ZNF618: variants seen among roughly 807,000 people sequenced by gnomAD.
ZNF618 encodes zinc finger protein 618.
A neutral mutation model predicts 103.0 loss-of-function variants in ZNF618; 34 were observed. That is an observed-to-expected ratio of 0.33 (90% CI 0.25 to 0.44). The LOEUF (loss-of-function observed/expected upper bound fraction) is 0.44, where lower values mean the gene tolerates loss of function less well. Among genes scored for constraint, ZNF618 ranks in the 20% least tolerant of loss-of-function variants. The pLI, the probability that ZNF618 is intolerant of heterozygous loss-of-function variation, is 1.00. For synonymous variants in ZNF618, 551 were observed against 542.2 expected, an observed-to-expected ratio of 1.02 and a Z score of -0.23; for missense variants, 1,059 against 1,295.4, an observed-to-expected ratio of 0.82 and a Z score of 2.80.
At chr9:114,024,231 G>A (rs1291288986) in intron 10 of ZNF618, among the ~76,000 whole-genome samples, 1 of 152,112 alleles carries the variant, frequency 6.6e-6, no homozygotes, top group East Asian at 1.9e-4. Context: ...AATCCATTAA[G>A]TGAACTTTTT....
chr9:113,928,134 A>G (rs1833261505), intron 1 of ZNF618, among the ~76,000 whole-genome samples: 1 of 152,160 alleles, frequency 6.6e-6, no homozygotes, highest in South Asian at 2.1e-4. Flanking sequence ...TTCAGTTTGG[A>G]TAGTTCCTAT....
chr9:114,020,171 G>A (rs12343684), intron 10 of ZNF618, among the ~76,000 whole-genome samples: 41,583 of 151,950 alleles, frequency 0.27, 6,045 homozygotes, highest in African/African-American at 0.36. Flanking sequence ...TTTCTCTTCC[G>A]TTGGCCTGTT....
At chr9:113,896,357 A>C (rs1830044890) in intron 1 of ZNF618, among the ~76,000 whole-genome samples, 1 of 152,084 alleles carries the variant, frequency 6.6e-6, no homozygotes, top group South Asian at 2.1e-4. Flanking sequence ...GTGTAGCCTA[A>C]CGATTATTTA....
intron 1 of ZNF618, among the ~76,000 whole-genome samples, chr9:113,905,783 C>T (rs1830934228): frequency 6.6e-6 from 1 of 152,198 alleles, no homozygotes; most frequent in Admixed American, 6.5e-5. Flanking sequence ...CTGATTCCCT[C>T]CCTTGCATGT....
In ZNF618 at chr9:113,956,209, CAAAAAAAAA is replaced by C. The variant is rs10537910; in HGVS notation, c.34-12886_34-12878del. Among the ~76,000 whole-genome samples, 199 of 44,582 alleles carry C rather than the reference CAAAAAAAAA, an allele frequency of 4.5e-3. 2 individuals carry two copies. Among genetic ancestry groups the C allele is most frequent in the African/African-American group, 0.019 (191 of 10,012 alleles). 29.2% of individuals were successfully genotyped at this position (44,582 alleles called of 152,430 possible). ...GGGCAACGAGAGTTAAACTCTGTCT[CAAAAAAAAA>C]AAAAAAAAAAAAAAAAAAAAAGAAG... On this transcript the variant is annotated intron_variant, in intron 1 of 14. Transcript: ENST00000374126.
At chr9:113,936,021 C>T (rs892186302) in intron 1 of ZNF618, among the ~76,000 whole-genome samples, 9 of 152,034 alleles carry the variant, frequency 5.9e-5, no homozygotes, top group Admixed American at 1.3e-4. Flanking sequence ...GTGGTGCAGT[C>T]GTAGCTCACT....
intron 1 of ZNF618, among the ~76,000 whole-genome samples, chr9:113,922,384 T>C (rs1832722971): frequency 6.6e-6 from 1 of 151,962 alleles, no homozygotes; most frequent in African/African-American, 2.4e-5. Context: ...AGAGGGCCAA[T>C]ACCTTCTATC....
chr9:113,888,232 A>T (rs986716638), intron 1 of ZNF618, among the ~76,000 whole-genome samples: 2 of 152,158 alleles, frequency 1.3e-5, no homozygotes, highest in African/African-American at 4.8e-5. Flanking sequence ...CTTGCCCAGG[A>T]TGTGGAGTCG....
In ZNF618 at chr9:113,888,060, G is replaced by C. The variant is rs528664794; in HGVS notation, c.33+11647G>C. On this transcript the variant is annotated intron_variant, in intron 1 of 14. Transcript: ENST00000374126. The stretch of plus-strand genomic sequence containing the variant: ...GGGTTTGTTTTTTTTTTAAATATGA[G>C]AGAGTGGAAATTCAGAGGTGAAAGG... Among the ~76,000 whole-genome samples, 6 of 152,074 alleles carry C rather than the reference G, an allele frequency of 3.9e-5. No individual in the cohort carries two copies. The East Asian group carries it at 9.7e-4, about 25-fold the overall frequency.
Position 114,002,670 on chromosome 9 carries a change from CTT to C in ZNF618, c.550+12_550+13del, listed in dbSNP as rs1193424329. On this transcript the variant is annotated intron_variant, in intron 6 of 14. Transcript: ENST00000374126. Reference sequence around the variant, plus strand: ...AGGGAGCCTCCCAAAGCAGTGAGTACTTTTTCCTCCTCGTGGGCTGCTGAGGG... The same window carrying C: ...AGGGAGCCTCCCAAAGCAGTGAGTACTTTCCTCCTCGTGGGCTGCTGAGGG... 2 of 1,610,908 alleles carry C rather than the reference CTT, an allele frequency of 1.2e-6. No homozygotes were observed. The highest frequency in any genetic ancestry group is 1.7e-6 in the Non-Finnish European group (2 of 1,179,514).
chr9:113,882,403 C>T (rs1828610761), intron 1 of ZNF618, among the ~76,000 whole-genome samples: 1 of 152,174 alleles, frequency 6.6e-6, no homozygotes, highest in Non-Finnish European at 1.5e-5. Flanking sequence ...GAAGGGGTCA[C>T]ATGTGGAGAC....
intron 3 of ZNF618, among the ~76,000 whole-genome samples, chr9:113,990,758 G>A (rs914112320): frequency 6.6e-6 from 1 of 152,182 alleles, no homozygotes; most frequent in Non-Finnish European, 1.5e-5. Context: ...AAAGAGGCTG[G>A]GAAATGCCGT....
chr9:113,953,213 T>C (rs1212999793), intron 1 of ZNF618, among the ~76,000 whole-genome samples: 1 of 152,114 alleles, frequency 6.6e-6, no homozygotes, highest in Non-Finnish European at 1.5e-5. Context: ...ATGCCCTAAG[T>C]GTTGAACTTC....
At chr9:113,940,286 G>C (rs1309381560) in intron 1 of ZNF618, among the ~76,000 whole-genome samples, 1 of 151,910 alleles carries the variant, frequency 6.6e-6, no homozygotes, top group Non-Finnish European at 1.5e-5. Context: ...CCTGTCACAT[G>C]ATCAGTTTGT....
At chr9:113,917,235 C>CT (rs56300784) in intron 1 of ZNF618, among the ~76,000 whole-genome samples, 3,980 of 73,958 alleles carry the variant, frequency 0.054, 63 homozygotes, top group African/African-American at 0.057. Context: ...TCTCTCTATC[C>CT]TTTTTTTTTT....
chr9:114,050,345 CACACGTGTGTGCACGTGTCTGA>C lies in ZNF618; in HGVS notation c.*186_*207del, dbSNP rs887273278. 14 of 707,522 alleles carry C rather than the reference CACACGTGTGTGCACGTGTCTGA, an allele frequency of 2.0e-5. No individual in the cohort carries two copies. In the African/African-American group the frequency reaches 2.3e-4, roughly 12 times the overall value. The allele number at this position is 707,522 out of a possible 1,614,324, so 43.8% of individuals were successfully genotyped here. On this transcript the variant is annotated 3_prime_UTR_variant, in exon 15 of 15. Transcript: ENST00000374126. The stretch of plus-strand genomic sequence containing the variant: ...GTGTGTGTGCGTGTATGTACACAGC[CACACGTGTGTGCACGTGTCTGA>C]ACACGTGCTGTGGTTGTGGGGGTGT...
chr9:113,959,661 G>T (rs1836656282), intron 1 of ZNF618, among the ~76,000 whole-genome samples: 1 of 152,140 alleles, frequency 6.6e-6, no homozygotes, highest in Admixed American at 6.5e-5. Flanking sequence ...AAGTTGGAGT[G>T]CAGTGACACG....
rs567738949 is a variant in ZNF618 at position 113,977,703 on chromosome 9, A to G, written c.77+8543A>G. On this transcript the variant is annotated intron_variant, in intron 2 of 14. Coordinates refer to ENST00000374126, the MANE Select transcript of ZNF618 (RefSeq NM_001318042.2). ...TAAACGAAGGTAGCGTGTCTGTTTA[A>G]AATGCCATTAACACTGCTTCTCCTT... 3.9e-5 allele frequency among the ~76,000 whole-genome samples: 6 copies of G among 152,292 alleles called. No homozygotes were observed. The South Asian group carries it at 1.2e-3, about 32-fold the overall frequency.
intron 1 of ZNF618, among the ~76,000 whole-genome samples, chr9:113,959,047 T>A (rs1211097334): frequency 1.3e-5 from 2 of 152,164 alleles, no homozygotes; most frequent in Non-Finnish European, 2.9e-5. Context: ...CCCAGCACTT[T>A]GGGAGGCCGA....
Sources: gnomAD v4.1 joint callset for allele counts (sites outside exome capture counted in the v4.1 genomes callset) on GRCh38, gnomAD v4.1.1 for gene constraint, MANE v1.5 for transcripts, NCBI Gene and HGNC (gene_info 2026-07-23, HGNC 2026-07-21) for gene names.